Variants in ABHD2 observed in about 807,000 individuals in gnomAD.
The protein encoded by ABHD2 is abhydrolase domain containing 2, acylglycerol lipase.
Under a neutral mutation model 48.1 loss-of-function variants are expected in ABHD2, and 20 were observed. That is an observed-to-expected ratio of 0.42 (90% confidence interval 0.29 to 0.60). The LOEUF is 0.60. ABHD2 is among the 20% of genes least tolerant of loss of function. The probability of loss-of-function intolerance (pLI) is 0.24; values close to 1 mark genes in which losing one functional copy is unlikely to be tolerated. For synonymous variants in ABHD2, 209 were observed against 214.2 expected, an observed-to-expected ratio of 0.98 and a Z score of 0.21; for missense variants, 405 against 550.9, an observed-to-expected ratio of 0.74 and a Z score of 2.65.
intron 10 of ABHD2, among the ~76,000 whole-genome samples, chr15:89,194,455 A>G (rs532533525): frequency 1.3e-5 from 2 of 152,312 alleles, no homozygotes; most frequent in African/African-American, 2.4e-5. Context: ...CCAAAAAAAT[A>G]AAAAATAAAG....
intron 3 of ABHD2, among the ~76,000 whole-genome samples, chr15:89,126,925 T>C (rs1446772497): frequency 6.6e-6 from 1 of 152,200 alleles, no homozygotes; most frequent in Non-Finnish European, 1.5e-5. Flanking sequence ...GAAAGCATTT[T>C]CCTGAGTTTA....
At chr15:89,139,106 G>T (rs2050363504) in intron 3 of ABHD2, among the ~76,000 whole-genome samples, 1 of 152,144 alleles carries the variant, frequency 6.6e-6, no homozygotes, top group African/African-American at 2.4e-5. Flanking sequence ...AGCTACTCAG[G>T]CGGCTGAGAT....
chr15:89,107,089 TA>T (rs2049798082), intron 1 of ABHD2, among the ~76,000 whole-genome samples: 1 of 152,148 alleles, frequency 6.6e-6, no homozygotes, highest in Non-Finnish European at 1.5e-5. Context: ...AGGGGATTTT[TA>T]CCTGCAGGGA....
chr15:89,150,672 G>T (rs553418808), intron 3 of ABHD2, among the ~76,000 whole-genome samples: 2 of 152,298 alleles, frequency 1.3e-5, no homozygotes, highest in Admixed American at 6.5e-5. Flanking sequence ...GGATCATCTG[G>T]TTCTGAGAGA....
intron 3 of ABHD2, among the ~76,000 whole-genome samples, chr15:89,119,605 C>T (rs892018654): frequency 3.3e-5 from 5 of 152,274 alleles, no homozygotes; most frequent in African/African-American, 1.2e-4. Context: ...AAACTGAACT[C>T]AAACTGGAGT....
At chr15:89,112,140 G>A (rs2049885577) in intron 1 of ABHD2, among the ~76,000 whole-genome samples, 1 of 152,108 alleles carries the variant, frequency 6.6e-6, no homozygotes, top group Non-Finnish European at 1.5e-5. Flanking sequence ...GGTGGGGACT[G>A]TGGCCACCTG....
At chr15:89,131,766 G>T (rs2050223169) in intron 3 of ABHD2, among the ~76,000 whole-genome samples, 1 of 152,166 alleles carries the variant, frequency 6.6e-6, no homozygotes, top group Non-Finnish European at 1.5e-5. Flanking sequence ...AACCATAAGT[G>T]TTGCTGTAAC....
At chr15:89,148,095 G>A (rs1351567802) in intron 3 of ABHD2, among the ~76,000 whole-genome samples, 1 of 126,192 alleles carries the variant, frequency 7.9e-6, no homozygotes, top group African/African-American at 3.1e-5. Flanking sequence ...CTCCAGCCTA[G>A]GTGACAGAGT....
intron 1 of ABHD2, among the ~76,000 whole-genome samples, chr15:89,109,134 C>A (rs538966652): frequency 3.3e-5 from 5 of 152,306 alleles, no homozygotes; most frequent in African/African-American, 1.2e-4. Context: ...TCTATCTGTG[C>A]CTCCATCTGA....
intron 1 of ABHD2, among the ~76,000 whole-genome samples, chr15:89,090,037 G>A (rs929039179): frequency 1.3e-5 from 2 of 152,092 alleles, no homozygotes; most frequent in Admixed American, 6.6e-5. Context: ...GTCATCACAG[G>A]CCCATGACTA....
At position 89,201,787 on chromosome 15, in the gene ABHD2, C is replaced by G. The variant is rs529055796; in HGVS notation, c.*6364C>G. 1 of 1,428,604 alleles carries G rather than the reference C, an allele frequency of 7.0e-7. No homozygotes were observed. Among genetic ancestry groups the G allele is most frequent in the Non-Finnish European group, 9.8e-7 (1 of 1,015,296 alleles). 88.5% of individuals were successfully genotyped at this position (1,428,604 alleles called of 1,614,324 possible). On this transcript the variant is annotated 3_prime_UTR_variant, in exon 11 of 11. Transcript: ENST00000352732. ...ATCTGCTCGTGCTTCGCCGTGGCCCCGGAGGCAGACGCCATTGGAGAGACA... is the reference window on the plus strand; with the variant it reads ...ATCTGCTCGTGCTTCGCCGTGGCCCGGGAGGCAGACGCCATTGGAGAGACA...
At chr15:89,115,510 C>T (rs1229145975) in intron 2 of ABHD2, among the ~76,000 whole-genome samples, 3 of 151,630 alleles carry the variant, frequency 2.0e-5, no homozygotes, top group Non-Finnish European at 2.9e-5. Context: ...TATACATTTT[C>T]TGTATTCCAA....
chr15:89,121,753 G>A (rs1003816535), intron 3 of ABHD2, among the ~76,000 whole-genome samples: 1 of 152,238 alleles, frequency 6.6e-6, no homozygotes, highest in East Asian at 1.9e-4. Flanking sequence ...TTGGGCTGTT[G>A]TTTCCCCACT....
chr15:89,084,334 C>G (rs568293813), upstream of ABHD2, among the ~76,000 whole-genome samples: 10 of 152,222 alleles, frequency 6.6e-5, no homozygotes, highest in East Asian at 1.4e-3. This position sits in a 1 kb window ranked among gnomAD's most constrained non-coding sequence, Gnocchi z 4.4. Context: ...GAGTCTCCCT[C>G]TGTTGCCCAG....
At chr15:89,141,598 A>T (rs937165466) in intron 3 of ABHD2, among the ~76,000 whole-genome samples, 9 of 152,018 alleles carry the variant, frequency 5.9e-5, no homozygotes, top group Non-Finnish European at 1.2e-4. Context: ...ACGCCACTGC[A>T]CTCCAGCCTG....
Position 89,175,672 on chromosome 15 carries a change from G to A in ABHD2, c.539-140G>A, listed in dbSNP as rs1047316626. The A allele has an allele frequency of 1.0e-5, 9 of 869,532 alleles. No individual in the cohort carries two copies. Among genetic ancestry groups the A allele is most frequent in the South Asian group, 1.0e-4 (6 of 59,230 alleles). 53.9% of individuals were successfully genotyped at this position (869,532 alleles called of 1,614,324 possible). A position where few individuals can be genotyped will look rare whatever the true frequency, so the allele number is the denominator to read the frequency against. On this transcript the variant is annotated intron_variant, in intron 5 of 10. Coordinates refer to ENST00000352732, the MANE Select transcript of ABHD2 (RefSeq NM_152924.5). The surrounding 1 kb of genome is among the most constrained non-coding windows in gnomAD (Gnocchi z 5.7). Reference sequence around the variant, plus strand: ...GTCTCTCTCTCCACACACATCCCCCGACACACACACGTATATATACACATA... The same window carrying A: ...GTCTCTCTCTCCACACACATCCCCCAACACACACACGTATATATACACATA...
At chr15:89,148,320 A>G (rs572469418) in intron 3 of ABHD2, among the ~76,000 whole-genome samples, 49 of 152,332 alleles carry the variant, frequency 3.2e-4, no homozygotes, top group African/African-American at 1.1e-3. Context: ...AACATGAATC[A>G]GCGAAATGCA....
In ABHD2 at chr15:89,146,289, T is replaced by C. The variant is rs146594805; in HGVS notation, c.195-5388T>C. On this transcript the variant is annotated intron_variant, in intron 3 of 10. Transcript: ENST00000352732. This position sits in a 1 kb window ranked among gnomAD's most constrained non-coding sequence, Gnocchi z 4.2. Reference sequence around the variant, plus strand: ...AGATGAGCATCAGTCAACTTTATTTTTTCAACTCTCTTTTTAAAACACCAG... The same window carrying C: ...AGATGAGCATCAGTCAACTTTATTTCTTCAACTCTCTTTTTAAAACACCAG... Among the ~76,000 whole-genome samples, 35 of 152,186 alleles carry C rather than the reference T, an allele frequency of 2.3e-4. No individual in the cohort carries two copies. In the East Asian group the frequency reaches 6.4e-3, roughly 28 times the overall value.
In ABHD2 at chr15:89,201,894, T is replaced by C; in HGVS notation, c.*6471T>C. 1 of 648,262 alleles carries C rather than the reference T, an allele frequency of 1.5e-6. No homozygotes were observed. The highest frequency in any genetic ancestry group is 2.7e-6 in the Non-Finnish European group (1 of 372,386). 40.2% of individuals were successfully genotyped at this position (648,262 alleles called of 1,614,324 possible). On this transcript the variant is annotated 3_prime_UTR_variant, in exon 11 of 11. Coordinates refer to ENST00000352732, the MANE Select transcript of ABHD2 (RefSeq NM_152924.5). ...GGGGGAGCGAGTTCGCATCTCTCCT[T>C]TTCCTGGTTAGACTCTGTTCAACCA...
Sources: gnomAD v4.1 joint callset for allele counts (sites outside exome capture counted in the v4.1 genomes callset) on GRCh38, gnomAD v4.1.1 for gene constraint, Gnocchi (gnomAD v3.1) non-coding constraint, MANE v1.5 for transcripts, NCBI Gene and HGNC (gene_info 2026-07-23, HGNC 2026-07-21) for gene names.